The following SPIDR variants were observed in gnomAD, a reference collection of about 807,000 sequenced individuals.
SPIDR encodes scaffold protein involved in DNA repair, also known as DNA repair-scaffolding protein.
Under a neutral mutation model 104.6 loss-of-function variants are expected in SPIDR, and 93 were observed. The ratio of observed to expected loss-of-function variants is 0.89; its 90% CI spans 0.75 to 1.06. The LOEUF (loss-of-function observed/expected upper bound fraction) is 1.06, where lower values mean the gene tolerates loss of function less well. Among genes scored for constraint, SPIDR ranks in the 50% least tolerant of loss-of-function variants. SPIDR has a pLI of 0.00. For missense variants in SPIDR, 1,154 were observed against 1,111.2 expected, an observed-to-expected ratio of 1.04 and a Z score of -0.55; for synonymous variants, 431 against 416.9, an observed-to-expected ratio of 1.03 and a Z score of -0.41.
intron 8 of SPIDR, among the ~76,000 whole-genome samples, chr8:47,472,953 G>T (rs893750153): frequency 1.3e-5 from 2 of 152,070 alleles, no homozygotes; most frequent in Admixed American, 6.5e-5. Flanking sequence ...TTCCTTTCTG[G>T]CCGTGGTCTT....
At chr8:47,472,087 T>G (rs1049712972) in intron 8 of SPIDR, among the ~76,000 whole-genome samples, 5 of 152,242 alleles carry the variant, frequency 3.3e-5, no homozygotes, top group African/African-American at 1.2e-4. Flanking sequence ...AACCTTGCAG[T>G]AACCCTCAGA....
At chr8:47,538,001 C>A (rs1263614543) in intron 8 of SPIDR, among the ~76,000 whole-genome samples, 1 of 151,732 alleles carries the variant, frequency 6.6e-6, no homozygotes, top group African/African-American at 2.4e-5. Context: ...ACGGTGAAAC[C>A]CCATCTCTAC....
At chr8:47,295,210 A>G (rs952790902) in intron 5 of SPIDR, among the ~76,000 whole-genome samples, 1 of 152,174 alleles carries the variant, frequency 6.6e-6, no homozygotes, top group Non-Finnish European at 1.5e-5. Context: ...TTTTGAACAT[A>G]CAGAGTATAT....
chr8:47,348,430 A>T (rs2052657207), intron 5 of SPIDR, among the ~76,000 whole-genome samples: 1 of 151,990 alleles, frequency 6.6e-6, no homozygotes, highest in Non-Finnish European at 1.5e-5. Flanking sequence ...TGTGTCTTGG[A>T]GTTGCTCTTC....
At chr8:47,568,358 A>C (rs1233089424) in intron 8 of SPIDR, among the ~76,000 whole-genome samples, 2 of 152,170 alleles carry the variant, frequency 1.3e-5, no homozygotes, top group Admixed American at 6.6e-5. Flanking sequence ...GTACTCAGTA[A>C]ATATTAGTTG....
At position 47,608,683 on chromosome 8, in the gene SPIDR, T is replaced by G. The variant is rs919109664; in HGVS notation, c.1544+9487T>G. 3.3e-5 allele frequency among the ~76,000 whole-genome samples: 5 copies of G among 152,228 alleles called. No individual in the cohort carries two copies. The South Asian group carries it at 6.2e-4, about 19-fold the overall frequency. ...TGGGTATCTCATTGTGGCTTTGATT[T>G]GCATTTCCTGATGACTAACAATGTT... On this transcript the variant is annotated intron_variant, in intron 10 of 19. Coordinates refer to ENST00000297423, the MANE Select transcript of SPIDR (RefSeq NM_001080394.4).
At chr8:47,465,624 A>C (rs2074639763) in intron 8 of SPIDR, among the ~76,000 whole-genome samples, 1 of 152,164 alleles carries the variant, frequency 6.6e-6, no homozygotes, top group Non-Finnish European at 1.5e-5. Context: ...AATCCCAGCT[A>C]CTGAGGGAGG....
chr8:47,695,437 C>T (rs1007293192), intron 11 of SPIDR, among the ~76,000 whole-genome samples: 1 of 152,144 alleles, frequency 6.6e-6, no homozygotes, highest in Non-Finnish European at 1.5e-5. Flanking sequence ...CAGGTGCTTC[C>T]TTGTTATCTT....
At chr8:47,412,627 G>A (rs2063698823) in intron 7 of SPIDR, among the ~76,000 whole-genome samples, 1 of 152,094 alleles carries the variant, frequency 6.6e-6, no homozygotes, top group South Asian at 2.1e-4. Context: ...TCCTTAACTT[G>A]TGATTATTTT....
At chr8:47,319,418 A>G (rs1450750543) in intron 5 of SPIDR, among the ~76,000 whole-genome samples, 4 of 152,216 alleles carry the variant, frequency 2.6e-5, no homozygotes, top group Admixed American at 2.6e-4. Context: ...ATATGCACCC[A>G]ATACGGGAGC....
chr8:47,597,745 T>C (rs2061787975), intron 9 of SPIDR, among the ~76,000 whole-genome samples: 1 of 152,208 alleles, frequency 6.6e-6, no homozygotes, highest in Non-Finnish European at 1.5e-5. Context: ...TTTTTTGGAA[T>C]TTTACTGATC....
At chr8:47,661,914 G>T (rs2074179944) in intron 10 of SPIDR, among the ~76,000 whole-genome samples, 1 of 152,182 alleles carries the variant, frequency 6.6e-6, no homozygotes, top group Non-Finnish European at 1.5e-5. Context: ...TCTCCATAGA[G>T]CAGTTTGCCC....
intron 8 of SPIDR, among the ~76,000 whole-genome samples, chr8:47,528,299 T>C (rs1039906022): frequency 6.6e-6 from 1 of 152,124 alleles, no homozygotes; most frequent in Admixed American, 6.6e-5. Context: ...ATGGGAAAGA[T>C]AAAAAATATT....
intron 10 of SPIDR, chr8:47,653,992 TG>T: frequency 5.5e-6 from 7 of 1,270,330 alleles, no homozygotes; most frequent in Non-Finnish European, 6.1e-6. Context: ...CTTAGATGAG[TG>T]GGAGTGGCAA....
chr8:47,697,586 G>T (rs934040344), intron 11 of SPIDR, among the ~76,000 whole-genome samples: 1 of 152,180 alleles, frequency 6.6e-6, no homozygotes, highest in Admixed American at 6.5e-5. Context: ...GCCTCCAGGA[G>T]CAGCTGCGTG....
intron 11 of SPIDR, among the ~76,000 whole-genome samples, chr8:47,699,363 G>A (rs1398656253): frequency 6.6e-6 from 1 of 152,176 alleles, no homozygotes; most frequent in Non-Finnish European, 1.5e-5. Context: ...GTCTCACAGT[G>A]TATAAAAGGC....
chr8:47,599,987 G>T (rs1232219010), intron 10 of SPIDR, among the ~76,000 whole-genome samples: 3 of 152,016 alleles, frequency 2.0e-5, no homozygotes, highest in Non-Finnish European at 4.4e-5. Flanking sequence ...CAAACTCCTG[G>T]CCTCAAGTGA....
chr8:47,297,885 C>G (rs997438523), intron 5 of SPIDR, among the ~76,000 whole-genome samples: 1 of 152,288 alleles, frequency 6.6e-6, no homozygotes, highest in East Asian at 1.9e-4. Context: ...GCTTCCAAGT[C>G]TTTGCTATTG....
intron 5 of SPIDR, chr8:47,357,896 T>C: frequency 1.0e-6 from 1 of 982,368 alleles, no homozygotes; most frequent in Non-Finnish European, 1.2e-6. Flanking sequence ...TGGAGAGCAT[T>C]AAATAAGAAG....
Sources: allele counts gnomAD v4.1 joint callset (sites outside exome capture counted in the v4.1 genomes callset), GRCh38; gene constraint gnomAD v4.1.1; transcripts MANE v1.5; gene names NCBI Gene and HGNC (gene_info 2026-07-23, HGNC 2026-07-21).